The following MID1 variants were observed in gnomAD, a reference collection of about 807,000 sequenced individuals.
MID1 encodes the protein midline 1, also known as E3 ubiquitin-protein ligase Midline-1.
Under a neutral mutation model 40.4 loss-of-function variants are expected in MID1, and 7 were observed. That is an observed-to-expected ratio of 0.17 (90% CI 0.10 to 0.33). The LOEUF is 0.33. MID1 is among the 10% of genes least tolerant of loss of function. The probability of loss-of-function intolerance (pLI) is 1.00; values close to 1 mark genes in which losing one functional copy is unlikely to be tolerated. For synonymous variants in MID1, 229 were observed against 221.2 expected, an observed-to-expected ratio of 1.04 and a Z score of -0.31; for missense variants, 367 against 558.5, an observed-to-expected ratio of 0.66 and a Z score of 3.46.
At chrX:10,468,279 G>A (rs972473281) in intron 7 of MID1, among the ~76,000 whole-genome samples, 1 of 111,366 alleles carries the variant, frequency 9.0e-6, no homozygotes, top group African/African-American at 3.3e-5. Context: ...GGAAGGTAGG[G>A]GGAGCCATTT....
At chrX:10,823,047 CAATAGCA>C (rs2044187607) in intron 1 of MID1, among the ~76,000 whole-genome samples, 1 of 111,384 alleles carries the variant, frequency 9.0e-6, no homozygotes, top group Non-Finnish European at 1.9e-5. Flanking sequence ...GCACTATTCA[CAATAGCA>C]AAGACATGGA....
intron 1 of MID1, among the ~76,000 whole-genome samples, chrX:10,727,608 T>TC (rs745648740): frequency 8.9e-6 from 1 of 111,802 alleles, no homozygotes; most frequent in East Asian, 2.8e-4. Context: ...CAAAGTGTGG[T>TC]CCCTGAACCA....
chrX:10,710,207 G>A (rs1330914765), intron 1 of MID1, among the ~76,000 whole-genome samples: 1 of 111,219 alleles, frequency 9.0e-6, no homozygotes, highest in Non-Finnish European at 1.9e-5. Flanking sequence ...TGGTCAGGAG[G>A]CAGCCAAAGC....
chrX:10,561,263 C>T (rs951230929), intron 2 of MID1, among the ~76,000 whole-genome samples: 2 of 107,305 alleles, frequency 1.9e-5, no homozygotes, highest in Admixed American at 1.9e-4. Flanking sequence ...ACCATAAAAA[C>T]CCTAGAAGAA....
chrX:10,597,017 A>G (rs1935424322), intron 1 of MID1, among the ~76,000 whole-genome samples: 1 of 111,233 alleles, frequency 9.0e-6, no homozygotes, highest in African/African-American at 3.3e-5. Flanking sequence ...TATACTGCCC[A>G]TTAATCCTAA....
chrX:10,821,916 T>C (rs924916804), intron 1 of MID1, among the ~76,000 whole-genome samples: 2 of 111,431 alleles, frequency 1.8e-5, no homozygotes, highest in Admixed American at 1.9e-4. Flanking sequence ...TTTGTTTATA[T>C]ATGGGAGATG....
At chrX:10,790,991 G>A (rs1361088869) in intron 1 of MID1, among the ~76,000 whole-genome samples, 2 of 112,597 alleles carry the variant, frequency 1.8e-5, no homozygotes, top group Non-Finnish European at 3.7e-5. Context: ...AATGACAGTT[G>A]AATGGACGGA....
chrX:10,472,220 C>T (rs1044137338), intron 6 of MID1, among the ~76,000 whole-genome samples: 1 of 112,279 alleles, frequency 8.9e-6, no homozygotes, highest in African/African-American at 3.2e-5. Context: ...GCAGTATCAG[C>T]CAAGCATCAT....
intron 1 of MID1, among the ~76,000 whole-genome samples, chrX:10,784,515 G>A (rs972815863): frequency 2.2e-4 from 22 of 100,276 alleles, no homozygotes; most frequent in African/African-American, 7.8e-4. Context: ...GGACAATCTC[G>A]GCTCACTGCA....
At position 10,513,718 on chromosome X, in the gene MID1, G is replaced by A. The variant is rs148148626; in HGVS notation, c.756+9374C>T. ...GAGATGGGGTTTTACCATGTTGGCC[G>A]GGCTGGTCTCGAACTCCTGACCTCA... On this transcript the variant is annotated intron_variant, in intron 3 of 9. Coordinates refer to ENST00000317552, the MANE Select transcript of MID1 (RefSeq NM_000381.4). Among the ~76,000 whole-genome samples, 351 of 111,346 alleles carry A rather than the reference G, an allele frequency of 3.2e-3. 2 individuals carry two copies. Among genetic ancestry groups the A allele is most frequent in the African/African-American group, 0.011 (330 of 30,589 alleles).
At chrX:10,465,242 CACACACACACACACACACAT>C (rs1315717354) in intron 7 of MID1, among the ~76,000 whole-genome samples, 3 of 97,809 alleles carry the variant, frequency 3.1e-5, no homozygotes, top group Non-Finnish European at 6.1e-5. Flanking sequence ...CACACACACA[CACACACACACACACACACAT>C]ACATATATGA....
intron 1 of MID1, among the ~76,000 whole-genome samples, chrX:10,813,329 C>A (rs996694850): frequency 1.8e-5 from 2 of 111,417 alleles, no homozygotes; most frequent in Non-Finnish European, 3.8e-5. Flanking sequence ...CTGGAACTTG[C>A]ATTTGCTGGG....
chrX:10,725,415 C>A (rs1377065521), intron 1 of MID1, among the ~76,000 whole-genome samples: 1 of 111,144 alleles, frequency 9.0e-6, no homozygotes, highest in African/African-American at 3.3e-5. Flanking sequence ...TATATTTTTC[C>A]CGAGGGAAAA....
chrX:10,506,176 G>A, intron 3 of MID1: 1 of 928,707 alleles, frequency 1.1e-6, no homozygotes, highest in Non-Finnish European at 1.3e-6. Context: ...TGATTCACAT[G>A]TACGTTTATT....
At chrX:10,730,034 A>T (rs1861529447) in intron 1 of MID1, among the ~76,000 whole-genome samples, 1 of 107,945 alleles carries the variant, frequency 9.3e-6, no homozygotes, top group Non-Finnish European at 1.9e-5. Flanking sequence ...CAGTGAGCCG[A>T]GATAGTGCCA....
chrX:10,589,531 G>A (rs750727306), intron 1 of MID1: 2 of 112,122 alleles, frequency 1.8e-5, no homozygotes, highest in Admixed American at 1.9e-4. Flanking sequence ...TGCCGTGGGT[G>A]ATCAGACCAC....
intron 1 of MID1, among the ~76,000 whole-genome samples, chrX:10,775,550 GA>G (rs2147129226): frequency 8.9e-6 from 1 of 112,327 alleles, no homozygotes; most frequent in East Asian, 2.8e-4. Context: ...TTTGTTTTCA[GA>G]TATCACATTG....
chrX:10,751,863 G>A (rs139644328), intron 1 of MID1, among the ~76,000 whole-genome samples: 347 of 111,744 alleles, frequency 3.1e-3, no homozygotes, highest in Non-Finnish European at 4.9e-3. Context: ...TGGATCATGC[G>A]GGTGGATCAC....
At chrX:10,685,923 C>CTCA (rs1417184955) in intron 1 of MID1, among the ~76,000 whole-genome samples, 83 of 109,030 alleles carry the variant, frequency 7.6e-4, no homozygotes, top group Non-Finnish European at 1.1e-3. Flanking sequence ...CACACACTCA[C>CTCA]CCCTACCTGT....
Sources: gnomAD v4.1 joint callset for allele counts (sites outside exome capture counted in the v4.1 genomes callset) on GRCh38, gnomAD v4.1.1 for gene constraint, MANE v1.5 for transcripts, NCBI Gene and HGNC (gene_info 2026-07-23, HGNC 2026-07-21) for gene names.